Variants in FRMD4A observed in about 807,000 individuals in gnomAD.
The protein encoded by FRMD4A is FERM domain-containing protein 4A.
A neutral mutation model predicts 129.1 loss-of-function variants in FRMD4A; 29 were observed. The observed-to-expected ratio is 0.22, with a 90% CI of 0.17 to 0.31. The LOEUF is 0.31. FRMD4A is among the 10% of genes least tolerant of loss of function. The probability of loss-of-function intolerance (pLI) is 1.00; values close to 1 mark genes in which losing one functional copy is unlikely to be tolerated. For synonymous variants in FRMD4A, 634 were observed against 571.6 expected (o/e 1.11, Z -1.56); for missense variants, 1,272 against 1,375.8 (o/e 0.92, Z 1.19).
chr10:14,143,383 G>T (rs1034044322), intron 2 of FRMD4A, among the ~76,000 whole-genome samples: 1 of 152,192 alleles, frequency 6.6e-6, no homozygotes, highest in Non-Finnish European at 1.5e-5. Flanking sequence ...TGGTCACAAA[G>T]GGACAAATAC....
intron 2 of FRMD4A, among the ~76,000 whole-genome samples, chr10:14,109,236 G>T (rs965765047): frequency 6.9e-6 from 1 of 145,514 alleles, no homozygotes; most frequent in East Asian, 2.0e-4. Flanking sequence ...AGCCTCCAAA[G>T]AAGCTTCTCA....
At chr10:13,722,879 A>G (rs1445349083) in intron 12 of FRMD4A, among the ~76,000 whole-genome samples, 1 of 152,154 alleles carries the variant, frequency 6.6e-6, no homozygotes, top group African/African-American at 2.4e-5. Context: ...TTGGTTAGCT[A>G]GGTCACCATG....
intron 2 of FRMD4A, among the ~76,000 whole-genome samples, chr10:14,081,155 C>T (rs1364949348): frequency 6.6e-6 from 1 of 152,118 alleles, no homozygotes; most frequent in African/African-American, 2.4e-5. Flanking sequence ...CTCTCCATGA[C>T]TTATAAAACC....
chr10:14,174,866 AGTGTGTGTGTGTCT>A (rs199899598), intron 2 of FRMD4A, among the ~76,000 whole-genome samples: 8,379 of 139,534 alleles, frequency 0.06, 349 homozygotes, highest in East Asian at 0.24. Context: ...TAAAAAAAAA[AGTGTGTGTGTGTCT>A]GTGTGTGTGT....
chr10:13,923,876 G>A (rs2095100860), intron 2 of FRMD4A, among the ~76,000 whole-genome samples: 1 of 152,190 alleles, frequency 6.6e-6, no homozygotes, highest in African/African-American at 2.4e-5. Flanking sequence ...GCACCACCCT[G>A]TTTTCAAGGT....
At chr10:14,077,224 T>C (rs938238333) in intron 2 of FRMD4A, among the ~76,000 whole-genome samples, 3 of 152,148 alleles carry the variant, frequency 2.0e-5, no homozygotes, top group Non-Finnish European at 4.4e-5. Context: ...AGACAAAAAA[T>C]ATGCATTATA....
chr10:13,858,350 G>A (rs1163051072), intron 3 of FRMD4A, among the ~76,000 whole-genome samples: 1 of 152,236 alleles, frequency 6.6e-6, no homozygotes, highest in East Asian at 1.9e-4. Context: ...CAGGAGAATC[G>A]CTTGAACCTG....
chr10:14,300,172 A>AAAATCTC (rs775182152), intron 2 of FRMD4A, among the ~76,000 whole-genome samples: 2 of 152,076 alleles, frequency 1.3e-5, no homozygotes, highest in Non-Finnish European at 2.9e-5. Flanking sequence ...GCAAAATAAT[A>AAAATCTC]AATTCAAGTT....
intron 2 of FRMD4A, among the ~76,000 whole-genome samples, chr10:14,103,067 G>A (rs933104717): frequency 1.3e-5 from 2 of 152,252 alleles, no homozygotes; most frequent in South Asian, 2.1e-4. Flanking sequence ...TTTACTTTTT[G>A]TTCTACGTGG....
At chr10:13,670,088 T>G (rs909175981) in intron 17 of FRMD4A, among the ~76,000 whole-genome samples, 4 of 152,184 alleles carry the variant, frequency 2.6e-5, no homozygotes, top group African/African-American at 9.7e-5. Flanking sequence ...CACTGAGGGC[T>G]GAGAGGCCAT....
intron 2 of FRMD4A, chr10:13,971,789 C>T (rs148043022): frequency 2.3e-6 from 3 of 1,304,322 alleles, no homozygotes; most frequent in African/African-American, 3.0e-5. Context: ...GCCAAGCAGC[C>T]CAGCAGCCAT....
intron 2 of FRMD4A, among the ~76,000 whole-genome samples, chr10:14,065,559 A>G (rs151221228): frequency 6.7e-4 from 102 of 152,188 alleles, no homozygotes; most frequent in African/African-American, 2.4e-3. Context: ...GCCTCCTCCA[A>G]TTCCCCACTG....
rs539706798 is a variant in FRMD4A, at chr10:14,299,161, A to G, written c.45+30897T>C. On this transcript the variant is annotated intron_variant, in intron 2 of 24. Coordinates refer to ENST00000357447, the MANE Select transcript of FRMD4A (RefSeq NM_018027.5). ...CCCAGTAGTCCAGATAGAAGGTGAC[A>G]AGATTCCTGAGCTAAGGATATCCCA... Among the ~76,000 whole-genome samples, 8 of 152,322 alleles carry G rather than the reference A, an allele frequency of 5.3e-5. No individual in the cohort carries two copies. In the East Asian group the frequency reaches 1.5e-3, roughly 29 times the overall value.
chr10:14,065,999 G>T (rs1835036646), intron 2 of FRMD4A, among the ~76,000 whole-genome samples: 2 of 72,086 alleles, frequency 2.8e-5, no homozygotes, highest in Admixed American at 3.2e-4. Context: ...ATGAAGTGGG[G>T]GTATGTATTT....
intron 2 of FRMD4A, among the ~76,000 whole-genome samples, chr10:14,321,372 A>G (rs1331183860): frequency 6.6e-6 from 1 of 151,668 alleles, no homozygotes; most frequent in African/African-American, 2.4e-5. Context: ...ATATATGTAT[A>G]TATGAAATAA....
chr10:13,769,056 T>C (rs533624894), intron 6 of FRMD4A, among the ~76,000 whole-genome samples: 2 of 150,838 alleles, frequency 1.3e-5, no homozygotes, highest in South Asian at 4.2e-4. Context: ...AGTGGCGCGA[T>C]TTCGGCTCAC....
intron 2 of FRMD4A, among the ~76,000 whole-genome samples, chr10:14,003,310 T>G (rs1287295506): frequency 6.6e-6 from 1 of 151,994 alleles, no homozygotes; most frequent in Non-Finnish European, 1.5e-5. Flanking sequence ...AGTTTGGGTT[T>G]TAGGAAGCTG....
At chr10:14,048,761 G>A (rs769233827) in intron 2 of FRMD4A, among the ~76,000 whole-genome samples, 3 of 151,774 alleles carry the variant, frequency 2.0e-5, no homozygotes, top group Admixed American at 6.6e-5. Context: ...AGCTGAGATC[G>A]CACCACCGCA....
At chr10:13,971,134 G>A (rs147662108) in intron 2 of FRMD4A, among the ~76,000 whole-genome samples, 51 of 151,390 alleles carry the variant, frequency 3.4e-4, no homozygotes, top group African/African-American at 1.1e-3. Flanking sequence ...ACGCACGCAC[G>A]CGCTCACACA....
Sources: gnomAD v4.1 joint callset for allele counts (sites outside exome capture counted in the v4.1 genomes callset) on GRCh38, gnomAD v4.1.1 for gene constraint, MANE v1.5 for transcripts, NCBI Gene and HGNC (gene_info 2026-07-23, HGNC 2026-07-21) for gene names.